YTHDF3: variants seen among roughly 807,000 people sequenced by gnomAD.
The protein encoded by YTHDF3 is YTH domain-containing family protein 3.
Under a neutral mutation model 52.5 loss-of-function variants are expected in YTHDF3, and 9 were observed. The observed-to-expected ratio is 0.17, with a 90% confidence interval of 0.10 to 0.30. The LOEUF is 0.30. YTHDF3 is among the 10% of genes least tolerant of loss of function. YTHDF3 has a pLI of 1.00. For missense variants in YTHDF3, 534 were observed against 715.0 expected, an observed-to-expected ratio of 0.75 and a Z score of 2.89; for synonymous variants, 274 against 243.3, an observed-to-expected ratio of 1.13 and a Z score of -1.18.
chr8:63,191,468 C>G (rs1057514968), intron 4 of YTHDF3, among the ~76,000 whole-genome samples: 1 of 152,142 alleles, frequency 6.6e-6, no homozygotes, highest in Non-Finnish European at 1.5e-5. Flanking sequence ...AGCTCCCCCT[C>G]TTAACTCTGT....
At chr8:63,196,532 A>G (rs969076914) in intron 4 of YTHDF3, among the ~76,000 whole-genome samples, 2 of 151,704 alleles carry the variant, frequency 1.3e-5, no homozygotes, top group African/African-American at 2.4e-5. Context: ...ACTGCACTCC[A>G]TCCTGGGCGA....
At chr8:63,206,134 C>T (rs1043209908) in intron 4 of YTHDF3, among the ~76,000 whole-genome samples, 14 of 151,834 alleles carry the variant, frequency 9.2e-5, no homozygotes, top group African/African-American at 2.7e-4. Context: ...AGTGCAATGG[C>T]GCGATCTTGG....
intron 4 of YTHDF3, chr8:63,188,695 ATATATATTT>A (rs1808701015): frequency 3.0e-5 from 2 of 65,884 alleles, no homozygotes; most frequent in African/African-American, 1.3e-4. Flanking sequence ...ATATATATAT[ATATATATTT>A]TTTTTTTTTT....
Position 63,209,937 on chromosome 8 carries a change from A to G in YTHDF3, c.*231A>G, listed in dbSNP as rs950661293. ...CTTCGTCAAGCACTTTCTGTCCTGAAGCTTTTACCAGTATCTGCTGTCTTT... is the reference window on the plus strand; with the variant it reads ...CTTCGTCAAGCACTTTCTGTCCTGAGGCTTTTACCAGTATCTGCTGTCTTT... On this transcript the variant is annotated 3_prime_UTR_variant, in exon 5 of 5. Transcript: ENST00000539294. The G allele has an allele frequency of 3.4e-5, 15 of 446,686 alleles. No individual in the cohort carries two copies. Among genetic ancestry groups the G allele is most frequent in the South Asian group, 3.0e-4 (7 of 23,692 alleles). 27.7% of individuals were successfully genotyped at this position (446,686 alleles called of 1,614,324 possible).
At chr8:63,171,545 G>A (rs1397467451) in intron 2 of YTHDF3, among the ~76,000 whole-genome samples, 1 of 152,072 alleles carries the variant, frequency 6.6e-6, no homozygotes, top group African/African-American at 2.4e-5. Context: ...ACAAATATAC[G>A]TTACTTGTAT....
intron 4 of YTHDF3, among the ~76,000 whole-genome samples, chr8:63,192,260 A>AT (rs1808961138): frequency 6.6e-6 from 1 of 152,150 alleles, no homozygotes; most frequent in Admixed American, 6.5e-5. Flanking sequence ...GTGTTTAGTC[A>AT]TTGAACCAGT....
intron 4 of YTHDF3, among the ~76,000 whole-genome samples, chr8:63,193,125 A>G (rs964071637): frequency 6.6e-6 from 1 of 152,006 alleles, no homozygotes; most frequent in African/African-American, 2.4e-5. Context: ...TGTAATCCCA[A>G]CACTTTGGGA....
rs1810273128 is a variant in YTHDF3 at position 63,209,786 on chromosome 8, T to C, written c.*80T>C. ...TGCCTAATAAGTCAAAGAAGACGTA[T>C]TAAAGCTCTTTTCTGCTTAAGGTGA... On this transcript the variant is annotated 3_prime_UTR_variant, in exon 5 of 5. Transcript: ENST00000539294. The C allele has an allele frequency of 7.2e-7, 1 of 1,384,672 alleles. No individual in the cohort carries two copies. The highest frequency in any genetic ancestry group is 1.5e-5 in the African/African-American group (1 of 68,160). The allele number at this position is 1,384,672 out of a possible 1,614,324, so 85.8% of individuals were successfully genotyped here. A position where few individuals can be genotyped will look rare whatever the true frequency, so the allele number is the denominator to read the frequency against.
At chr8:63,175,271 G>A in intron 2 of YTHDF3, 60 bp from the exon 3 acceptor site, 3 of 1,246,452 alleles carry the variant, frequency 2.4e-6, no homozygotes, top group Non-Finnish European at 3.4e-6. Flanking sequence ...AAAAACATTA[G>A]GTTGTGCTGC....
chr8:63,180,111 G>T (rs1189763488), intron 3 of YTHDF3, among the ~76,000 whole-genome samples: 1 of 151,590 alleles, frequency 6.6e-6, no homozygotes, highest in African/African-American at 2.4e-5. Flanking sequence ...GGTGGCTGCT[G>T]GGCGGAGATG....
rs1230804093 is a variant in YTHDF3, at chr8:63,169,300, C to T, written c.25-87C>T. On this transcript the variant is annotated intron_variant, in intron 1 of 4. Coordinates refer to ENST00000539294, the MANE Select transcript of YTHDF3 (RefSeq NM_152758.6). ...CTCCTACGCGGATAGTCTAAAATAACTTGTCTTTGATAATGCCTTTGATTA... is the reference window on the plus strand; with the variant it reads ...CTCCTACGCGGATAGTCTAAAATAATTTGTCTTTGATAATGCCTTTGATTA... 7 of 1,504,160 alleles carry T rather than the reference C, an allele frequency of 4.7e-6. No homozygotes were observed. The East Asian group carries it at 1.5e-4, about 31-fold the overall frequency. 93.2% of individuals were successfully genotyped at this position (1,504,160 alleles called of 1,614,324 possible). A position where few individuals can be genotyped will look rare whatever the true frequency, so the allele number is the denominator to read the frequency against.
intron 3 of YTHDF3, among the ~76,000 whole-genome samples, chr8:63,177,518 T>G (rs901726337): frequency 6.6e-6 from 1 of 152,206 alleles, no homozygotes; most frequent in Non-Finnish European, 1.5e-5. Context: ...GTAATCTCAG[T>G]TAACGCTTAT....
chr8:63,171,764 A>G lies in YTHDF3; in HGVS notation c.49+2353A>G, dbSNP rs75986266. Among the ~76,000 whole-genome samples, 1,154 of 152,332 alleles carry G rather than the reference A, an allele frequency of 7.6e-3. 10 individuals are homozygous for G. Among genetic ancestry groups the G allele is most frequent in the Non-Finnish European group, 0.013 (908 of 68,022 alleles). ...AAATATGAGTAATCTTGAATTCTGAACTTAGCAAGCTTATGAAAAATAGTA... is the reference window on the plus strand; with the variant it reads ...AAATATGAGTAATCTTGAATTCTGAGCTTAGCAAGCTTATGAAAAATAGTA... On this transcript the variant is annotated intron_variant, in intron 2 of 4. Coordinates refer to ENST00000539294, the MANE Select transcript of YTHDF3 (RefSeq NM_152758.6).
At chr8:63,208,794 AT>A (rs1264993896) in intron 4 of YTHDF3, among the ~76,000 whole-genome samples, 1 of 152,200 alleles carries the variant, frequency 6.6e-6, no homozygotes, top group African/African-American at 2.4e-5. Flanking sequence ...GATAGGAATT[AT>A]AATTTTTCTC....
chr8:63,195,271 T>C (rs1435308582), intron 4 of YTHDF3, among the ~76,000 whole-genome samples: 2 of 152,142 alleles, frequency 1.3e-5, no homozygotes, highest in Non-Finnish European at 2.9e-5. Context: ...GAATAACCAA[T>C]ACCCCATTAA....
chr8:63,192,975 G>A (rs1010449315), intron 4 of YTHDF3, among the ~76,000 whole-genome samples: 1 of 152,064 alleles, frequency 6.6e-6, no homozygotes, highest in African/African-American at 2.4e-5. Context: ...TTGGGTAAAG[G>A]TTGGGTTTCT....
At chr8:63,197,322 GT>G (rs1809302561) in intron 4 of YTHDF3, among the ~76,000 whole-genome samples, 1 of 152,074 alleles carries the variant, frequency 6.6e-6, no homozygotes, top group South Asian at 2.1e-4. Context: ...TTCTTTATAG[GT>G]GTAATCGCTG....
chr8:63,178,205 T>C (rs1201510429), intron 3 of YTHDF3, among the ~76,000 whole-genome samples: 1 of 152,218 alleles, frequency 6.6e-6, no homozygotes, highest in Non-Finnish European at 1.5e-5. Flanking sequence ...GGGTTTCTAC[T>C]GGAGGAAAAA....
chr8:63,194,341 C>T (rs912334017), intron 4 of YTHDF3, among the ~76,000 whole-genome samples: 11 of 152,128 alleles, frequency 7.2e-5, no homozygotes, highest in African/African-American at 2.2e-4. Context: ...AAAAATTAGC[C>T]GGGCATGGTG....
Sources: allele counts gnomAD v4.1 joint callset (sites outside exome capture counted in the v4.1 genomes callset), GRCh38; gene constraint gnomAD v4.1.1; transcripts MANE v1.5; gene names NCBI Gene and HGNC (gene_info 2026-07-23, HGNC 2026-07-21).